DOCK6: variants seen among roughly 807,000 people sequenced by gnomAD.
The protein encoded by DOCK6 is dedicator of cytokinesis 6.
In DOCK6, 167 loss-of-function variants were observed where a neutral mutation model predicts 230.3. That is an observed-to-expected ratio of 0.73 (90% CI 0.64 to 0.82). DOCK6 has a LOEUF of 0.82. Among genes scored for constraint, DOCK6 ranks in the 40% least tolerant of loss-of-function variants. DOCK6 has a pLI of 0.00. For missense variants in DOCK6, 2,598 were observed against 2,825.8 expected (o/e 0.92, Z 1.83); for synonymous variants, 1,148 against 1,185.0 (o/e 0.97, Z 0.64).
rs376618089 is a variant in DOCK6, at chr19:11,219,246, C to T, written c.3551-1855G>A. 4.0e-3 allele frequency among the ~76,000 whole-genome samples: 511 copies of T among 129,254 alleles called. 3 individuals are homozygous for T. Among genetic ancestry groups the T allele is most frequent in the African/African-American group, 0.015 (483 of 32,752 alleles). 84.8% of individuals were successfully genotyped at this position (129,254 alleles called of 152,430 possible). A position where few individuals can be genotyped will look rare whatever the true frequency, so the allele number is the denominator to read the frequency against. On this transcript the variant is annotated intron_variant, in intron 28 of 47. Coordinates refer to ENST00000294618, the MANE Select transcript of DOCK6 (RefSeq NM_020812.4). ...TTGCCTAGGCTGGAGTGCAGTGACG[C>T]GATCTCGGCTCACTGCAACCTCTGC...
chr19:11,216,377 C>T (rs1049993486), intron 30 of DOCK6, among the ~76,000 whole-genome samples: 12 of 150,754 alleles, frequency 8.0e-5, no homozygotes, highest in South Asian at 6.3e-4. Context: ...CGTGAGCCAC[C>T]GCACCAGGCC....
intron 7 of DOCK6, chr19:11,247,821 A>G: frequency 2.1e-6 from 1 of 474,464 alleles, no homozygotes; most frequent in Non-Finnish European, 3.9e-6. Context: ...TGTGGTGAAT[A>G]TAAGACGGGT....
At chr19:11,261,825 T>C (rs1449980898) in intron 1 of DOCK6, among the ~76,000 whole-genome samples, 6 of 145,940 alleles carry the variant, frequency 4.1e-5, no homozygotes, top group African/African-American at 1.6e-4. Flanking sequence ...TGGGGGGGCG[T>C]CCACAGCTGT....
In DOCK6 at chr19:11,200,110, A is replaced by G. The variant is rs539468250; in HGVS notation, c.6101+198T>C. 6.6e-6 allele frequency among the ~76,000 whole-genome samples: 1 copy of G among 151,486 alleles called. No homozygotes were observed. Among genetic ancestry groups the G allele is most frequent in the African/African-American group, 2.4e-5 (1 of 41,242 alleles). On this transcript the variant is annotated intron_variant, in intron 47 of 47. Transcript: ENST00000294618. The surrounding 1 kb of genome is among the most constrained non-coding windows in gnomAD (Gnocchi z 4.3). ...GGTTGCAGTGAGCCAAGACTGTGCC[A>G]ACTGCACTCCAGCCTGGGCAACAGA...
At chr19:11,213,724 CT>C (rs1367613236) in intron 34 of DOCK6, among the ~76,000 whole-genome samples, 1 of 151,700 alleles carries the variant, frequency 6.6e-6, no homozygotes, top group African/African-American at 2.4e-5. Context: ...AGCCATCCTC[CT>C]GCCTCAGCCT....
chr19:11,236,810 A>G lies in DOCK6; in HGVS notation c.2143T>C (p.Ser715Pro). Reference sequence around the variant, plus strand: ...CCCCGTACCTGGGGGTGCACAGAGGACACGGCTGTGAGCTCCACACTGAAC... The same window carrying G: ...CCCCGTACCTGGGGGTGCACAGAGGGCACGGCTGTGAGCTCCACACTGAAC... ...GVFSVELTAV[S>P]SVHPQDPYLD... Residue 715 changes from serine (S) to proline (P), a missense_variant, in exon 19 of 48, where the codon TCC becomes CCC. Physicochemically the swap from Ser to Pro is moderately conservative, Grantham distance 74 (BLOSUM62 -1). Transcript: ENST00000294618. The surrounding 1 kb of genome is among the most constrained non-coding windows in gnomAD (Gnocchi z 5.2). 1.3e-6 allele frequency: 2 copies of G among 1,553,844 alleles called. No individual in the cohort carries two copies. Among genetic ancestry groups the G allele is most frequent in the Non-Finnish European group, 1.7e-6 (2 of 1,148,676 alleles).
rs1464312656 is a variant in DOCK6 at position 11,243,539 on chromosome 19, T to G, written c.1258+18A>C. ...ACCCTTTAGCCCCGCCCCAAGCCTG[T>G]TAGCCCCGCCTCCTCACCGCCCTCC... is the stretch of plus-strand genomic sequence containing the variant. On this transcript the variant is annotated intron_variant, in intron 11 of 47. Coordinates refer to ENST00000294618, the MANE Select transcript of DOCK6 (RefSeq NM_020812.4). The surrounding 1 kb of genome is among the most constrained non-coding windows in gnomAD (Gnocchi z 6.3). 1 of 1,584,054 alleles carries G rather than the reference T, an allele frequency of 6.3e-7. No homozygotes were observed. The highest frequency in any genetic ancestry group is 8.6e-7 in the Non-Finnish European group (1 of 1,167,034).
In DOCK6 at chr19:11,215,800, C is replaced by A; in HGVS notation, c.4021+1G>T. 6.2e-7 allele frequency: 1 copy of A among 1,613,972 alleles called. No homozygotes were observed. Among genetic ancestry groups the A allele is most frequent in the Non-Finnish European group, 8.5e-7 (1 of 1,179,876 alleles). On this transcript the variant is annotated splice_donor_variant, in intron 31 of 47. Coordinates refer to ENST00000294618, the MANE Select transcript of DOCK6 (RefSeq NM_020812.4). LOFTEE classifies it high-confidence loss of function. ...GACACGTGGGTATGTCACCCTCTTA[C>A]CACGACTTCGCCGAACCATTTCTTG...
intron 30 of DOCK6, 23 bp from the exon 31 acceptor site, chr19:11,215,950 T>C (rs1303303328): frequency 3.7e-6 from 6 of 1,613,066 alleles, no homozygotes; most frequent in Non-Finnish European, 5.1e-6. Flanking sequence ...AGAACTGGGG[T>C]TCCAGGCTGA....
chr19:11,237,053 G>A lies in DOCK6; in HGVS notation c.2074-174C>T, dbSNP rs909171623. The A allele has an allele frequency of 1.0e-4, 64 of 638,028 alleles. No individual in the cohort carries two copies. The Admixed American group carries it at 1.0e-3, about 10-fold the overall frequency. The allele number at this position is 638,028 out of a possible 1,614,324, so 39.5% of individuals were successfully genotyped here. A position where few individuals can be genotyped will look rare whatever the true frequency, so the allele number is the denominator to read the frequency against. ...TAGACTGAGAGGGTCCACTGGGCAG[G>A]CTGGAAATCCACATGCCAAGACGGG... is the stretch of plus-strand genomic sequence containing the variant. On this transcript the variant is annotated intron_variant, in intron 18 of 47. Transcript: ENST00000294618.
At chr19:11,233,653 G>A (rs183634760) in intron 21 of DOCK6, among the ~76,000 whole-genome samples, 1 of 152,152 alleles carries the variant, frequency 6.6e-6, no homozygotes, top group East Asian at 1.9e-4. Context: ...AGCCAACATA[G>A]CGAGACTCTG....
In DOCK6 at chr19:11,199,473, G is replaced by A. The variant is rs373405885; in HGVS notation, c.*24C>T. ...TGAGGCCCGGGTGCTGGTTCCTCTAGGTACAGCTTTGGTCCTTGTGGGCTC... is the reference window on the plus strand; with the variant it reads ...TGAGGCCCGGGTGCTGGTTCCTCTAAGTACAGCTTTGGTCCTTGTGGGCTC... On this transcript the variant is annotated 3_prime_UTR_variant, in exon 48 of 48. Transcript: ENST00000294618. The A allele has an allele frequency of 6.4e-7, 1 of 1,571,418 alleles. No homozygotes were observed. Among genetic ancestry groups the A allele is most frequent in the Non-Finnish European group, 8.6e-7 (1 of 1,158,070 alleles).
At chr19:11,246,306 G>A (rs2080033416) in intron 7 of DOCK6, among the ~76,000 whole-genome samples, 1 of 151,778 alleles carries the variant, frequency 6.6e-6, no homozygotes, top group East Asian at 1.9e-4. Flanking sequence ...GGGTCTCGCT[G>A]TGTTGCCCAG....
chr19:11,241,876 G>T, intron 14 of DOCK6, 169 bp downstream of exon 14: 1 of 1,248,284 alleles, frequency 8.0e-7, no homozygotes, highest in Admixed American at 2.1e-5. Context: ...ATTGGGGAGG[G>T]GTGGAGGAAG....
rs2079875113 is a variant in DOCK6 at position 11,237,792 on chromosome 19, GGCTGGGGGATCT to G, written c.1833-25_1833-14del. The G allele has an allele frequency of 6.4e-7, 1 of 1,561,022 alleles. No homozygotes were observed. Among genetic ancestry groups the G allele is most frequent in the Non-Finnish European group, 8.7e-7 (1 of 1,153,016 alleles). On this transcript the variant is annotated splice_polypyrimidine_tract_variant and intron_variant, in intron 16 of 47. Coordinates refer to ENST00000294618, the MANE Select transcript of DOCK6 (RefSeq NM_020812.4). ...GAACTCGGGGGACCTGGCAGAATCG[GGCTGGGGGATCT>G]GCTGGGGGCTGGGGTCCCCACTGTC... is the stretch of plus-strand genomic sequence containing the variant.
In DOCK6 at chr19:11,243,221, G is replaced by A. The variant is rs1039867682; in HGVS notation, c.1386+37C>T. The A allele has an allele frequency of 5.0e-6, 8 of 1,613,320 alleles. No individual in the cohort carries two copies. In the African/African-American group the frequency reaches 5.3e-5, roughly 11 times the overall value. On this transcript the variant is annotated intron_variant, in intron 12 of 47. Coordinates refer to ENST00000294618, the MANE Select transcript of DOCK6 (RefSeq NM_020812.4). The surrounding 1 kb of genome is among the most constrained non-coding windows in gnomAD (Gnocchi z 6.3). ...GGTCCCCAGGGCTAATGCAGCCAGCGGGGAGTGGGAGAGTCCCTGGCCCCA... is the reference window on the plus strand; with the variant it reads ...GGTCCCCAGGGCTAATGCAGCCAGCAGGGAGTGGGAGAGTCCCTGGCCCCA...
intron 1 of DOCK6, among the ~76,000 whole-genome samples, chr19:11,257,665 G>A (rs139515474): frequency 0.018 from 2,674 of 151,926 alleles, 61 homozygotes; most frequent in African/African-American, 0.059. Flanking sequence ...GGCACATGCC[G>A]GTAATCTCAG....
Position 11,236,500 on chromosome 19 carries a change from A to G in DOCK6, c.2238T>C (p.Thr746=), listed in dbSNP as rs747895911. Residue 746 remains threonine, a synonymous_variant, in exon 20 of 48, where the codon ACT becomes ACC. Transcript: ENST00000294618. The surrounding 1 kb of genome is among the most constrained non-coding windows in gnomAD (Gnocchi z 5.2). The stretch of plus-strand genomic sequence containing the variant: ...GCTCCACGTTGCCCTCGCTCAGCAC[A>G]GTGTCCTTGAGCCGGAATGGGAAGG... ...EGAFPFRLKD[T]VLSEGNVEQE... is the part of the protein sequence containing the mutation. 5.0e-6 allele frequency: 8 copies of G among 1,603,826 alleles called. No individual in the cohort carries two copies. The Admixed American group carries it at 5.1e-5, about 10-fold the overall frequency.
In DOCK6 at chr19:11,252,992, C is replaced by T. The variant is rs578033090; in HGVS notation, c.133-34G>A. ...GAGCAAAGTGGCTGTGATCGCACTA[C>T]CTAGGAGGCTGAGAGTGGGGGCACG... On this transcript the variant is annotated intron_variant, in intron 2 of 47. Transcript: ENST00000294618. 91 of 1,565,818 alleles carry T rather than the reference C, an allele frequency of 5.8e-5. 3 individuals carry two copies. Among genetic ancestry groups the T allele is most frequent in the Middle Eastern group, 5.0e-4 (3 of 5,964 alleles).
Sources: allele counts gnomAD v4.1 joint callset (sites outside exome capture counted in the v4.1 genomes callset), GRCh38; gene constraint gnomAD v4.1.1; non-coding constraint Gnocchi (gnomAD v3.1); transcripts MANE v1.5; gene names NCBI Gene and HGNC (gene_info 2026-07-23, HGNC 2026-07-21).